The following MAP4 variants were observed in gnomAD, a reference collection of about 807,000 sequenced individuals.
MAP4 encodes the protein microtubule associated protein 4, also known as microtubule-associated protein 4.
MAP4 carries 76 observed loss-of-function variants against 170.2 expected under a neutral mutation model. The ratio of observed to expected loss-of-function variants is 0.45; its 90% CI spans 0.37 to 0.54. MAP4 has a LOEUF of 0.54. Among genes scored for constraint, MAP4 ranks in the 20% least tolerant of loss-of-function variants. MAP4 has a pLI of 0.00. For missense variants in MAP4, 2,506 were observed against 2,748.0 expected (o/e 0.91, Z 1.97); for synonymous variants, 909 against 994.5 (o/e 0.91, Z 1.62).
At chr3:48,032,427 C>T (rs1012934840) in intron 1 of MAP4, among the ~76,000 whole-genome samples, 8 of 151,236 alleles carry the variant, frequency 5.3e-5, no homozygotes, top group African/African-American at 1.5e-4. Flanking sequence ...ACTTGAATCT[C>T]GGAGGCGGAG....
intron 10 of MAP4, among the ~76,000 whole-genome samples, chr3:47,880,344 G>A (rs937277614): frequency 3.4e-5 from 5 of 145,436 alleles, no homozygotes; most frequent in Admixed American, 7.1e-5. Context: ...TCCTGACCTC[G>A]TGATCCACCT....
chr3:47,866,277 C>T (rs183364766), intron 17 of MAP4, among the ~76,000 whole-genome samples: 1 of 151,862 alleles, frequency 6.6e-6, no homozygotes, highest in Non-Finnish European at 1.5e-5. Flanking sequence ...GTGGAGGTTG[C>T]AGTGAGCTGA....
chr3:47,919,309 GT>G (rs576545960), intron 5 of MAP4, among the ~76,000 whole-genome samples: 1 of 151,410 alleles, frequency 6.6e-6, no homozygotes, highest in African/African-American at 2.4e-5. Flanking sequence ...TGCAAAAAAA[GT>G]TTTTTTTCTT....
intron 17 of MAP4, among the ~76,000 whole-genome samples, chr3:47,858,575 G>A (rs879639181): frequency 8.2e-5 from 12 of 146,546 alleles, no homozygotes; most frequent in Non-Finnish European, 1.8e-4. Context: ...CCTTGGGAGA[G>A]GTGAGGGGGT....
rs1302833077 is a variant in MAP4 at position 47,909,776 on chromosome 3, T to C, written c.4645A>G (p.Ile1549Val). The C allele has an allele frequency of 1.2e-6, 2 of 1,614,028 alleles. No homozygotes were observed. Among genetic ancestry groups the C allele is most frequent in the South Asian group, 2.2e-5 (2 of 91,086 alleles). Residue 1549 changes from isoleucine to valine, a missense_variant, in exon 9 of 21, where the codon ATA becomes GTA. By Grantham distance (29) the Ile-to-Val change is conservative. This residue lies in a region of MAP4 where 2,008 missense variants were observed against 2,206.0 expected (regional missense o/e 0.91). Transcript: ENST00000683076. ...CTGTGCACTGACTCAGATTCTCCTA[T>C]CACATGCCCTTCATCGATCCCTGCT... ...NEAGIDEGHVIGESESVHSGA... is the reference protein window; with the variant it reads ...NEAGIDEGHVVGESESVHSGA...
At position 47,916,357 on chromosome 3, in the gene MAP4, C is replaced by A. The variant is rs751519146; in HGVS notation, c.1470G>T (p.Lys490Asn). The part of the protein sequence containing the change: ...QLPETEIAPA[K>N]DVAPSTVKEV... ...CTTTTACTGTGGACGGAGCCACATC[C>A]TTGGCCGGGGCTATTTCTGTTTCTG... Residue 490 changes from lysine to asparagine, a missense_variant, in exon 7 of 21, where the codon AAG (lysine) becomes AAT (asparagine). This residue lies in a region of MAP4 where 2,008 missense variants were observed against 2,206.0 expected (regional missense o/e 0.91). Coordinates refer to ENST00000683076, the MANE Select transcript of MAP4 (RefSeq NM_001385682.1). 7 of 1,614,152 alleles carry A rather than the reference C, an allele frequency of 4.3e-6. No individual in the cohort carries two copies. The South Asian group carries it at 7.7e-5, about 18-fold the overall frequency.
chr3:47,887,671 C>T (rs571395050), intron 10 of MAP4, among the ~76,000 whole-genome samples: 2 of 152,368 alleles, frequency 1.3e-5, no homozygotes, highest in South Asian at 4.1e-4. Context: ...AGCTGGGCTC[C>T]TGAGTCTGGT....
At chr3:47,857,957 A>C (rs891302766) in intron 17 of MAP4, among the ~76,000 whole-genome samples, 2 of 139,022 alleles carry the variant, frequency 1.4e-5, no homozygotes, top group African/African-American at 2.7e-5. Flanking sequence ...AGATCCACCC[A>C]CCTCAGATTT....
chr3:47,854,308 G>A (rs1275706151), intron 19 of MAP4, among the ~76,000 whole-genome samples: 1 of 152,164 alleles, frequency 6.6e-6, no homozygotes, highest in African/African-American at 2.4e-5. Flanking sequence ...AGGTATGGGG[G>A]GCACGAACTG....
chr3:48,018,770 T>C (rs764492891), upstream of MAP4, among the ~76,000 whole-genome samples: 2 of 151,998 alleles, frequency 1.3e-5, no homozygotes, highest in African/African-American at 2.4e-5. Flanking sequence ...GTCACTGCAC[T>C]CCAGCCTGGG....
chr3:47,974,026 G>A (rs544313790), intron 3 of MAP4: 1 of 985,378 alleles, frequency 1.0e-6, no homozygotes, highest in East Asian at 1.1e-4. Context: ...TGTAGAAGAG[G>A]GAATGCTTCC....
intron 2 of MAP4, among the ~76,000 whole-genome samples, chr3:47,986,249 G>A (rs2100088603): frequency 6.6e-6 from 1 of 152,158 alleles, no homozygotes; most frequent in East Asian, 1.9e-4. Context: ...CTCGGGCAGG[G>A]CTACAGGTAC....
At chr3:48,050,324 C>T (rs1219530097) in intron 1 of MAP4, among the ~76,000 whole-genome samples, 1 of 150,860 alleles carries the variant, frequency 6.6e-6, no homozygotes, top group Non-Finnish European at 1.5e-5. Flanking sequence ...ATTTGTGTTA[C>T]ATGTACTACA....
intron 10 of MAP4, among the ~76,000 whole-genome samples, chr3:47,898,752 T>C (rs919228094): frequency 1.3e-5 from 2 of 152,068 alleles, no homozygotes; most frequent in Non-Finnish European, 2.9e-5. Flanking sequence ...TTCAAGAGCC[T>C]GGGCAACATA....
intron 1 of MAP4, among the ~76,000 whole-genome samples, chr3:48,053,037 ATAT>A (rs531010003): frequency 9.6e-4 from 146 of 152,302 alleles, no homozygotes; most frequent in African/African-American, 3.3e-3. Flanking sequence ...ACAACTCCAA[ATAT>A]TATATGCTTT....
intron 1 of MAP4, among the ~76,000 whole-genome samples, chr3:48,082,177 A>G (rs1386194307): frequency 6.6e-6 from 1 of 152,248 alleles, no homozygotes; most frequent in Non-Finnish European, 1.5e-5. Flanking sequence ...AGTAGAAAGA[A>G]TTAGAAAAAT....
chr3:47,930,922 C>CT (rs2153830358), intron 3 of MAP4, among the ~76,000 whole-genome samples: 2 of 143,420 alleles, frequency 1.4e-5, no homozygotes, highest in East Asian at 4.1e-4. Flanking sequence ...GAGCGAGACT[C>CT]TGTCTAAAAA....
intron 3 of MAP4, among the ~76,000 whole-genome samples, chr3:47,976,380 G>A (rs1367384234): frequency 6.6e-6 from 1 of 152,140 alleles, no homozygotes; most frequent in Non-Finnish European, 1.5e-5. Context: ...ACTTCCTACT[G>A]GAGAAGAAAT....
At chr3:48,080,026 T>G (rs1261588055) in intron 1 of MAP4, among the ~76,000 whole-genome samples, 2 of 152,036 alleles carry the variant, frequency 1.3e-5, no homozygotes, top group Admixed American at 1.3e-4. Flanking sequence ...AGAAAGCACA[T>G]TTCACGAGAG....
Sources: allele counts gnomAD v4.1 joint callset (sites outside exome capture counted in the v4.1 genomes callset), GRCh38; gene constraint gnomAD v4.1.1; regional missense constraint gnomAD v4.1.1; transcripts MANE v1.5; gene names NCBI Gene and HGNC (gene_info 2026-07-23, HGNC 2026-07-21).